Variants in NSMCE1 observed in about 807,000 individuals in gnomAD.
NSMCE1 encodes the protein NSE1 component of SMC5/6 complex, also known as non-structural maintenance of chromosomes element 1 homolog.
A neutral mutation model predicts 29.6 loss-of-function variants in NSMCE1; 18 were observed. The ratio of observed to expected loss-of-function variants is 0.61; its 90% CI spans 0.42 to 0.90. The LOEUF (loss-of-function observed/expected upper bound fraction) is 0.90. Ranked by LOEUF, NSMCE1 falls within the 40% of genes least tolerant of loss-of-function variation. The pLI, the probability that NSMCE1 is intolerant of heterozygous loss-of-function variation, is 0.00. For missense variants in NSMCE1, 314 were observed against 343.6 expected (o/e 0.91, Z 0.68); for synonymous variants, 124 against 133.4 (o/e 0.93, Z 0.49).
chr16:27,264,072 T>C (rs2084192464), intron 1 of NSMCE1, among the ~76,000 whole-genome samples: 1 of 152,174 alleles, frequency 6.6e-6, no homozygotes, highest in African/African-American at 2.4e-5. Flanking sequence ...CTATAAAGAC[T>C]TCTCATATTT....
At chr16:27,251,207 T>TAA (rs58691360) in intron 2 of NSMCE1, among the ~76,000 whole-genome samples, 1,206 of 70,492 alleles carry the variant, frequency 0.017, 32 homozygotes, top group Non-Finnish European at 0.026. Flanking sequence ...TATATATATA[T>TAA]AAAACTCTGT....
intron 2 of NSMCE1, among the ~76,000 whole-genome samples, chr16:27,248,101 T>C (rs1035861096): frequency 2.0e-5 from 3 of 152,206 alleles, no homozygotes; most frequent in Non-Finnish European, 4.4e-5. Context: ...TCTGTTCAAC[T>C]GCAAATGGAC....
intron 2 of NSMCE1, among the ~76,000 whole-genome samples, chr16:27,240,208 C>T (rs1393178650): frequency 6.6e-6 from 1 of 152,224 alleles, no homozygotes; most frequent in African/African-American, 2.4e-5. Flanking sequence ...CCACCGTCAT[C>T]TCGTCTATAC....
chr16:27,241,528 A>T, intron 2 of NSMCE1: 1 of 191,380 alleles, frequency 5.2e-6, no homozygotes, highest in African/African-American at 2.3e-5. Flanking sequence ...GGGGCTGGGG[A>T]GGTTTGTGAG....
intron 2 of NSMCE1, among the ~76,000 whole-genome samples, chr16:27,251,191 A>ATATATATATATAT (rs1555477411): frequency 2.8e-4 from 9 of 32,328 alleles, no homozygotes; most frequent in African/African-American, 3.1e-4. Flanking sequence ...TATATATATA[A>ATATATATATATAT]ATATATATAT....
At chr16:27,254,048 A>G (rs1466991897) in intron 2 of NSMCE1, among the ~76,000 whole-genome samples, 2 of 152,244 alleles carry the variant, frequency 1.3e-5, no homozygotes, top group Non-Finnish European at 2.9e-5. Flanking sequence ...TGCAATTTCA[A>G]TCACTCCTTT....
At chr16:27,265,161 C>CTTTTTTTTTTTTTTTTTTTTT (rs5816427) in intron 1 of NSMCE1, among the ~76,000 whole-genome samples, 1 of 82,672 alleles carries the variant, frequency 1.2e-5, no homozygotes, top group Non-Finnish European at 2.2e-5. Context: ...AATTCTTTTC[C>CTTTTTTTTTTTTTTTTTTTTT]TTTTTTTTTT....
chr16:27,238,803 C>A (rs1486422399), intron 2 of NSMCE1, among the ~76,000 whole-genome samples: 2 of 152,206 alleles, frequency 1.3e-5, no homozygotes, highest in East Asian at 3.9e-4. Flanking sequence ...ATGCTTCCTG[C>A]CTATCCCCAA....
chr16:27,261,432 C>G (rs11643082), intron 1 of NSMCE1, among the ~76,000 whole-genome samples: 61,422 of 151,468 alleles, frequency 0.41, 13,360 homozygotes, highest in African/African-American at 0.56. Flanking sequence ...CTGCAATTAA[C>G]ATACTTAAAA....
intron 1 of NSMCE1, among the ~76,000 whole-genome samples, chr16:27,258,800 G>A (rs915152919): frequency 4.6e-5 from 7 of 151,720 alleles, no homozygotes; most frequent in Admixed American, 4.6e-4. Context: ...GCCCAGGCTG[G>A]AGTGCAGTGG....
chr16:27,261,262 A>G (rs2084155137), intron 1 of NSMCE1, among the ~76,000 whole-genome samples: 1 of 151,842 alleles, frequency 6.6e-6, no homozygotes, highest in Non-Finnish European at 1.5e-5. Context: ...ATTAATAAAG[A>G]CTGAAAATAA....
intron 2 of NSMCE1, among the ~76,000 whole-genome samples, chr16:27,255,454 T>G (rs2084077422): frequency 6.6e-6 from 1 of 152,196 alleles, no homozygotes; most frequent in African/African-American, 2.4e-5. Flanking sequence ...AAGAATGTAT[T>G]CTCTTCCCAC....
chr16:27,265,669 C>G (rs1370983404), intron 1 of NSMCE1, among the ~76,000 whole-genome samples: 7 of 152,140 alleles, frequency 4.6e-5, no homozygotes, highest in Non-Finnish European at 1.0e-4. Context: ...TACATTAAAA[C>G]AATATAATCA....
At chr16:27,227,064 C>T (rs941496823) in intron 5 of NSMCE1, among the ~76,000 whole-genome samples, 1 of 152,230 alleles carries the variant, frequency 6.6e-6, no homozygotes, top group Admixed American at 6.5e-5. Flanking sequence ...CCCTGACACC[C>T]GCCTTTTCTC....
At chr16:27,238,289 C>T (rs1394844083) in intron 2 of NSMCE1, among the ~76,000 whole-genome samples, 1 of 152,192 alleles carries the variant, frequency 6.6e-6, no homozygotes, top group Non-Finnish European at 1.5e-5. Flanking sequence ...CCAGAACCCT[C>T]TTCCCTCCCG....
chr16:27,227,444 C>T (rs1377554856), intron 5 of NSMCE1, among the ~76,000 whole-genome samples: 1 of 152,228 alleles, frequency 6.6e-6, no homozygotes, highest in Admixed American at 6.5e-5. Context: ...GGTTCCCATG[C>T]CAGGGTGCGG....
intron 1 of NSMCE1, among the ~76,000 whole-genome samples, chr16:27,259,696 T>G (rs1007949474): frequency 3.9e-5 from 6 of 152,074 alleles, no homozygotes; most frequent in African/African-American, 1.4e-4. Flanking sequence ...GTCATTGTGA[T>G]CCCATCAAAT....
intron 6 of NSMCE1, chr16:27,226,421 A>G: frequency 2.8e-6 from 1 of 359,604 alleles, no homozygotes; most frequent in Non-Finnish European, 5.1e-6. Context: ...TCACTACAAA[A>G]CTACCAAGAT....
At chr16:27,231,596 C>G in intron 5 of NSMCE1, among the ~76,000 whole-genome samples, 1 of 151,296 alleles carries the variant, frequency 6.6e-6, no homozygotes, top group Non-Finnish European at 1.5e-5. Flanking sequence ...AAGATTGCAC[C>G]ATTGCACTCC....
Sources: gnomAD v4.1 joint callset for allele counts (sites outside exome capture counted in the v4.1 genomes callset) on GRCh38, gnomAD v4.1.1 for gene constraint, MANE v1.5 for transcripts, NCBI Gene and HGNC (gene_info 2026-07-23, HGNC 2026-07-21) for gene names.